MYO3B: variants seen among roughly 807,000 people sequenced by gnomAD.
The protein encoded by MYO3B is myosin-IIIb.
Under a neutral mutation model 174.6 loss-of-function variants are expected in MYO3B, and 156 were observed. That is an observed-to-expected ratio of 0.89 (90% confidence interval 0.78 to 1.02). MYO3B has a LOEUF of 1.02. MYO3B is among the 50% of genes least tolerant of loss of function. The pLI, the probability that MYO3B is intolerant of heterozygous loss-of-function variation, is 0.00. For synonymous variants in MYO3B, 563 were observed against 569.1 expected (o/e 0.99, Z 0.15); for missense variants, 1,632 against 1,639.4 (o/e 1.00, Z 0.08).
At chr2:170,398,039 T>C (rs922583843) in intron 16 of MYO3B, among the ~76,000 whole-genome samples, 2 of 151,602 alleles carry the variant, frequency 1.3e-5, no homozygotes, top group African/African-American at 4.9e-5. Context: ...CTGACCAACA[T>C]GGTGAAATGC....
intron 32 of MYO3B, among the ~76,000 whole-genome samples, chr2:170,575,579 TA>T (rs1692735504): frequency 6.6e-6 from 1 of 152,208 alleles, no homozygotes; most frequent in Admixed American, 6.5e-5. Context: ...TCTAACCATT[TA>T]AAAATGTACA....
At chr2:170,555,715 T>A (rs1324010544) in intron 32 of MYO3B, among the ~76,000 whole-genome samples, 1 of 151,848 alleles carries the variant, frequency 6.6e-6, no homozygotes, top group African/African-American at 2.4e-5. Context: ...CTACAAAAAA[T>A]TTAAATATTA....
intron 28 of MYO3B, among the ~76,000 whole-genome samples, chr2:170,503,746 C>G (rs867445658): frequency 6.6e-6 from 1 of 151,866 alleles, no homozygotes; most frequent in Non-Finnish European, 1.5e-5. Context: ...CTTCCATTAA[C>G]TGAGTCTGCA....
At position 170,262,298 on chromosome 2, in the gene MYO3B, T is replaced by C. The variant is rs1457330081; in HGVS notation, c.749+26162T>C. Among the ~76,000 whole-genome samples the C allele has an allele frequency of 2.0e-5, 3 of 152,118 alleles. No homozygotes were observed. The East Asian group carries it at 5.8e-4, about 29-fold the overall frequency. On this transcript the variant is annotated intron_variant, in intron 7 of 34. Coordinates refer to ENST00000408978, the MANE Select transcript of MYO3B (RefSeq NM_138995.5). ...GGGTCCAGGTCTGGAGTTGCTGGGG[T>C]GAGAGACGGGGCTAGATGGTTACCT...
At chr2:170,620,251 A>C (rs1695801604) in intron 32 of MYO3B, among the ~76,000 whole-genome samples, 1 of 152,162 alleles carries the variant, frequency 6.6e-6, no homozygotes. Flanking sequence ...CTAACATTCC[A>C]GGCAAAACTC....
chr2:170,321,932 G>A (rs1403551989), intron 7 of MYO3B, among the ~76,000 whole-genome samples: 1 of 151,914 alleles, frequency 6.6e-6, no homozygotes, highest in Non-Finnish European at 1.5e-5. Flanking sequence ...TGGCCAACAC[G>A]GTGAAACCCC....
At chr2:170,237,741 C>T (rs993772378) in intron 7 of MYO3B, among the ~76,000 whole-genome samples, 1 of 152,140 alleles carries the variant, frequency 6.6e-6, no homozygotes, top group Non-Finnish European at 1.5e-5. Flanking sequence ...GAGTGGATCC[C>T]AAGAATTGGG....
intron 5 of MYO3B, among the ~76,000 whole-genome samples, chr2:170,215,818 C>T (rs1454614427): frequency 6.6e-6 from 1 of 152,066 alleles, no homozygotes; most frequent in Admixed American, 6.6e-5. Flanking sequence ...TGTTTTTGCA[C>T]GTGATTCTGG....
At chr2:170,631,101 C>T (rs1168816923) in intron 32 of MYO3B, among the ~76,000 whole-genome samples, 4 of 152,040 alleles carry the variant, frequency 2.6e-5, no homozygotes, top group Non-Finnish European at 2.9e-5. Flanking sequence ...CAAACTTCTC[C>T]GAGCTAAAGG....
chr2:170,435,362 G>A lies in MYO3B; in HGVS notation c.2651-8605G>A, dbSNP rs939725364. On this transcript the variant is annotated intron_variant, in intron 22 of 34. Coordinates refer to ENST00000408978, the MANE Select transcript of MYO3B (RefSeq NM_138995.5). ...GAAAGGAGAGATGATAGGAATCATA[G>A]GTAATGAACTGTCAGGTTGATCCTT... Among the ~76,000 whole-genome samples, 3 of 152,166 alleles carry A rather than the reference G, an allele frequency of 2.0e-5. No homozygotes were observed. The East Asian group carries it at 5.8e-4, about 29-fold the overall frequency.
At chr2:170,516,248 G>A (rs1014223034) in intron 29 of MYO3B, among the ~76,000 whole-genome samples, 18 of 151,666 alleles carry the variant, frequency 1.2e-4, no homozygotes, top group African/African-American at 3.6e-4. Context: ...TTCTTCCTAC[G>A]TGCCCCCAAA....
At chr2:170,526,873 A>G (rs1689036361) in intron 30 of MYO3B, among the ~76,000 whole-genome samples, 1 of 152,234 alleles carries the variant, frequency 6.6e-6, no homozygotes, top group African/African-American at 2.4e-5. Flanking sequence ...TTATGCAAAG[A>G]GTCCTTTTAG....
rs182064140 is a variant in MYO3B, at chr2:170,640,077, T to C, written c.3734-11551T>C. On this transcript the variant is annotated intron_variant, in intron 32 of 34. Coordinates refer to ENST00000408978, the MANE Select transcript of MYO3B (RefSeq NM_138995.5). ...TAATCTGCAGAATTGATCTAAGCTC[T>C]TAGGAAAGGGTTAAGTCCATGGTTT... is the stretch of plus-strand genomic sequence containing the variant. Among the ~76,000 whole-genome samples the C allele has an allele frequency of 2.2e-4, 34 of 152,284 alleles. 1 individual carries two copies. The East Asian group carries it at 5.2e-3, about 23-fold the overall frequency.
intron 7 of MYO3B, among the ~76,000 whole-genome samples, chr2:170,253,577 G>C (rs2093275961): frequency 6.6e-6 from 1 of 152,168 alleles, no homozygotes; most frequent in Non-Finnish European, 1.5e-5. Flanking sequence ...GAAATTTAAT[G>C]TCATGGGATG....
At chr2:170,509,849 AG>A (rs2106111170) in intron 28 of MYO3B, among the ~76,000 whole-genome samples, 1 of 152,324 alleles carries the variant, frequency 6.6e-6, no homozygotes, top group South Asian at 2.1e-4. Context: ...AGATGTCTGA[AG>A]AGTTGGAAGA....
chr2:170,268,565 C>T (rs553552264), intron 7 of MYO3B, among the ~76,000 whole-genome samples: 1 of 152,296 alleles, frequency 6.6e-6, no homozygotes, highest in Admixed American at 6.5e-5. Flanking sequence ...TTTTTGCCTA[C>T]ATATACCTCT....
intron 7 of MYO3B, among the ~76,000 whole-genome samples, chr2:170,242,545 A>C (rs2093145834): frequency 6.6e-6 from 1 of 152,120 alleles, no homozygotes; most frequent in Admixed American, 6.5e-5. Flanking sequence ...AGTCCTATGT[A>C]GGTACTGCTT....
At chr2:170,627,486 A>T (rs1195422378) in intron 32 of MYO3B, among the ~76,000 whole-genome samples, 1 of 151,878 alleles carries the variant, frequency 6.6e-6, no homozygotes, top group African/African-American at 2.4e-5. Flanking sequence ...CTTCTTTGCG[A>T]TGGGTTCGAA....
Position 170,288,414 on chromosome 2 carries a change from A to G in MYO3B, c.750-46971A>G, listed in dbSNP as rs192831048. Among the ~76,000 whole-genome samples the G allele has an allele frequency of 4.8e-3, 724 of 151,934 alleles. 13 individuals carry two copies. Among genetic ancestry groups the G allele is most frequent in the Admixed American group, 0.043 (655 of 15,244 alleles). On this transcript the variant is annotated intron_variant, in intron 7 of 34. Transcript: ENST00000408978. The stretch of plus-strand genomic sequence containing the variant: ...CTTCGATTTCTTTCATCCAAGTTTT[A>G]TAGTTTTCATTGTATAGATCTTTCA...
Sources: allele counts gnomAD v4.1 joint callset (sites outside exome capture counted in the v4.1 genomes callset), GRCh38; gene constraint gnomAD v4.1.1; transcripts MANE v1.5; gene names NCBI Gene and HGNC (gene_info 2026-07-23, HGNC 2026-07-21).